DOCK8: variants seen among roughly 807,000 people sequenced by gnomAD.
DOCK8 encodes the protein dedicator of cytokinesis protein 8.
A neutral mutation model predicts 245.6 loss-of-function variants in DOCK8; 141 were observed. That is an observed-to-expected ratio of 0.57 (90% CI 0.50 to 0.66). DOCK8 has a LOEUF of 0.66. DOCK8 is among the 30% of genes least tolerant of loss of function. The pLI is 0.00. For synonymous variants in DOCK8, 1,168 were observed against 970.2 expected (o/e 1.20, Z -3.79); for missense variants, 2,965 against 2,603.4 (o/e 1.14, Z -3.02).
At chr9:446,986 G>A (rs764444234) in intron 44 of DOCK8, among the ~76,000 whole-genome samples, 1 of 151,930 alleles carries the variant, frequency 6.6e-6, no homozygotes, top group Admixed American at 6.6e-5. Context: ...GCATAGTCGT[G>A]CTGTTAATTA....
chr9:432,425 A>G (rs1587022621), intron 37 of DOCK8, 101 bp downstream of exon 37: 1 of 1,173,166 alleles, frequency 8.5e-7, no homozygotes, highest in Non-Finnish European at 1.2e-6. Context: ...ATATAAATAT[A>G]TAACATTTGC....
intron 1 of DOCK8, among the ~76,000 whole-genome samples, chr9:242,206 A>T (rs2047389665): frequency 6.6e-6 from 1 of 152,154 alleles, no homozygotes; most frequent in African/African-American, 2.4e-5. Flanking sequence ...TCCTTGTAAA[A>T]ATTATCTGCC....
At chr9:452,273 C>T (rs2057492415) in intron 46 of DOCK8, among the ~76,000 whole-genome samples, 156 bp downstream of exon 46, 1 of 152,098 alleles carries the variant, frequency 6.6e-6, no homozygotes, top group Non-Finnish European at 1.5e-5. Context: ...AGGTGTGGCT[C>T]AGCAATGTGC....
intron 5 of DOCK8, among the ~76,000 whole-genome samples, chr9:308,533 T>C (rs12335470): frequency 0.023 from 3,487 of 152,324 alleles, 60 homozygotes; most frequent in African/African-American, 0.04. Context: ...TTTAAACAAG[T>C]ATATGATAAG....
At chr9:331,168 C>T (rs765643268) in intron 9 of DOCK8, among the ~76,000 whole-genome samples, 6 of 152,174 alleles carry the variant, frequency 3.9e-5, no homozygotes, top group South Asian at 2.1e-4. Flanking sequence ...CAGTGTTTAT[C>T]GCCACCTTAT....
At chr9:220,543 G>T (rs867760960) in intron 1 of DOCK8, among the ~76,000 whole-genome samples, 1 of 152,088 alleles carries the variant, frequency 6.6e-6, no homozygotes, top group Non-Finnish European at 1.5e-5. Flanking sequence ...TTAAGGGACC[G>T]TGAGAAGGTA....
In DOCK8 at chr9:305,564, C is replaced by T. The variant is rs1014236836; in HGVS notation, c.528+860C>T. Among the ~76,000 whole-genome samples, 53 of 152,238 alleles carry T rather than the reference C, an allele frequency of 3.5e-4. 1 individual carries two copies. Among genetic ancestry groups the T allele is most frequent in the African/African-American group, 1.2e-3 (51 of 41,534 alleles). On this transcript the variant is annotated intron_variant, in intron 5 of 47. Coordinates refer to ENST00000432829, the MANE Select transcript of DOCK8 (RefSeq NM_203447.4). ...CCTCCCAAAGTGCTGGGATTACAGGCATGAGCCACCACGCCTGGCCAGTTG... is the reference window on the plus strand; with the variant it reads ...CCTCCCAAAGTGCTGGGATTACAGGTATGAGCCACCACGCCTGGCCAGTTG...
chr9:333,817 G>A (rs935466949), intron 10 of DOCK8, among the ~76,000 whole-genome samples: 4 of 152,120 alleles, frequency 2.6e-5, no homozygotes, highest in South Asian at 4.2e-4. Flanking sequence ...GTTTTCCAAG[G>A]TGACTTTTGG....
Position 220,720 on chromosome 9 carries a change from T to TG in DOCK8, c.53+5691_53+5692insG, listed in dbSNP as rs542914202. ...CAAGCAGTAGTCTAATTTCTTTCTTTTTTTTTTTTTTTCTTTTTTTGAGAC... is the reference window on the plus strand; with the variant it reads ...CAAGCAGTAGTCTAATTTCTTTCTTTGTTTTTTTTTTTTCTTTTTTTGAGAC... On this transcript the variant is annotated intron_variant, in intron 1 of 47. Transcript: ENST00000432829. 2.5e-5 allele frequency: 10 copies of TG among 405,310 alleles called. No individual in the cohort carries two copies. The Admixed American group carries it at 2.6e-4, about 11-fold the overall frequency. 25.1% of individuals were successfully genotyped at this position (405,310 alleles called of 1,614,324 possible).
At chr9:243,500 C>G (rs16922023) in intron 1 of DOCK8, among the ~76,000 whole-genome samples, 19 of 152,080 alleles carry the variant, frequency 1.2e-4, no homozygotes, top group Admixed American at 1.2e-3. Context: ...TCAATTGTTT[C>G]TTGGCCTCTT....
intron 1 of DOCK8, among the ~76,000 whole-genome samples, chr9:239,079 C>T (rs1419627121): frequency 6.6e-6 from 1 of 152,146 alleles, no homozygotes; most frequent in African/African-American, 2.4e-5. Context: ...GACGGTGGCT[C>T]CAGCCAGGAA....
intron 1 of DOCK8, among the ~76,000 whole-genome samples, chr9:228,611 A>G (rs2047037975): frequency 6.6e-6 from 1 of 152,104 alleles, no homozygotes; most frequent in Non-Finnish European, 1.5e-5. Context: ...TCGCACTTTG[A>G]GTTCAGATTT....
chr9:421,742 C>G (rs1253430143), intron 32 of DOCK8, among the ~76,000 whole-genome samples: 1 of 152,190 alleles, frequency 6.6e-6, no homozygotes, highest in Admixed American at 6.5e-5. Context: ...TCATTTGACA[C>G]CCATACTTTC....
At chr9:421,593 T>G (rs1382763588) in intron 32 of DOCK8, among the ~76,000 whole-genome samples, 1 of 152,190 alleles carries the variant, frequency 6.6e-6, no homozygotes, top group Non-Finnish European at 1.5e-5. Flanking sequence ...TGAGCTTGAA[T>G]AGAATGAAAT....
At chr9:390,895 C>T (rs2054163363) in intron 24 of DOCK8, among the ~76,000 whole-genome samples, 1 of 152,204 alleles carries the variant, frequency 6.6e-6, no homozygotes, top group African/African-American at 2.4e-5. Flanking sequence ...CTGCACATGG[C>T]AGCCAATACT....
At chr9:386,927 C>T (rs2053980382) in intron 23 of DOCK8, among the ~76,000 whole-genome samples, 1 of 152,142 alleles carries the variant, frequency 6.6e-6, no homozygotes, top group Admixed American at 6.5e-5. Context: ...CATAATTCTT[C>T]ACAATCAGCC....
At chr9:421,951 G>T in intron 32 of DOCK8, 97 bp from the exon 33 acceptor site, 1 of 1,069,838 alleles carries the variant, frequency 9.3e-7, no homozygotes, top group South Asian at 1.3e-5. Context: ...CCGAGAAATG[G>T]TGCTGAGGCT....
chr9:369,543 A>G (rs561059033), intron 15 of DOCK8: 1 of 152,734 alleles, frequency 6.5e-6, no homozygotes, highest in East Asian at 1.9e-4. Flanking sequence ...GGCAGTGGAG[A>G]TTCAAATCAC....
intron 28 of DOCK8, among the ~76,000 whole-genome samples, chr9:414,287 G>A (rs1002867249): frequency 2.0e-5 from 3 of 152,182 alleles, no homozygotes; most frequent in Non-Finnish European, 4.4e-5. Flanking sequence ...CAATCCAAAT[G>A]TTTATCAGTT....
Sources: allele counts gnomAD v4.1 joint callset (sites outside exome capture counted in the v4.1 genomes callset), GRCh38; gene constraint gnomAD v4.1.1; transcripts MANE v1.5; gene names NCBI Gene and HGNC (gene_info 2026-07-23, HGNC 2026-07-21).